The following KLHDC1 variants were observed in gnomAD, a reference collection of about 807,000 sequenced individuals.
KLHDC1 encodes kelch domain-containing protein 1.
KLHDC1 carries 53 observed loss-of-function variants against 68.3 expected under a neutral mutation model. The observed-to-expected ratio is 0.78, with a 90% CI of 0.62 to 0.98. The LOEUF is 0.98. KLHDC1 is among the 50% of genes least tolerant of loss of function. KLHDC1 has a pLI of 0.00. For missense variants in KLHDC1, 470 were observed against 492.3 expected (o/e 0.95, Z 0.43); for synonymous variants, 148 against 159.0 (o/e 0.93, Z 0.52).
In KLHDC1 at chr14:49,729,643, G is replaced by A. The variant is rs567366064; in HGVS notation, c.710+95G>A. Reference sequence around the variant, plus strand: ...AATGTGAGTCTTTAAAACTGGACTGGTATTTTTTTCCTTCAGATCGTATGT... The same window carrying A: ...AATGTGAGTCTTTAAAACTGGACTGATATTTTTTTCCTTCAGATCGTATGT... On this transcript the variant is annotated intron_variant, in intron 8 of 12. Coordinates refer to ENST00000359332, the MANE Select transcript of KLHDC1 (RefSeq NM_172193.3). 78 of 780,296 alleles carry A rather than the reference G, an allele frequency of 1.0e-4. 1 individual carries two copies. In the South Asian group the frequency reaches 1.2e-3, roughly 12 times the overall value. 48.3% of individuals were successfully genotyped at this position (780,296 alleles called of 1,614,324 possible).
intron 12 of KLHDC1, among the ~76,000 whole-genome samples, chr14:49,750,504 GT>G (rs796097149): frequency 1.3e-5 from 2 of 152,210 alleles, no homozygotes; most frequent in South Asian, 4.1e-4. Context: ...CTCACTTCTT[GT>G]TTAGAGTTGT....
In KLHDC1 at chr14:49,693,806, T is replaced by C. The variant is rs1466151565; in HGVS notation, c.96+516T>C. 2.9e-5 allele frequency among the ~76,000 whole-genome samples: 4 copies of C among 139,056 alleles called. 1 individual carries two copies. Among genetic ancestry groups the C allele is most frequent in the African/African-American group, 5.3e-5 (2 of 37,786 alleles). 91.2% of individuals were successfully genotyped at this position (139,056 alleles called of 152,430 possible). On this transcript the variant is annotated intron_variant, in intron 1 of 12. Coordinates refer to ENST00000359332, the MANE Select transcript of KLHDC1 (RefSeq NM_172193.3). Reference sequence around the variant, plus strand: ...CTTGTTGCCCAGGGCTGGAGTGCAATGGAACGATCTCAGCTCACCGCAACC... The same window carrying C: ...CTTGTTGCCCAGGGCTGGAGTGCAACGGAACGATCTCAGCTCACCGCAACC...
chr14:49,693,923 T>C (rs1239033139), intron 1 of KLHDC1, among the ~76,000 whole-genome samples: 1 of 151,364 alleles, frequency 6.6e-6, no homozygotes, highest in Admixed American at 6.6e-5. Context: ...CTGGCTAATT[T>C]TGTATTTTTA....
intron 1 of KLHDC1, 112 bp from the exon 2 acceptor site, chr14:49,709,047 C>A: frequency 1.8e-6 from 1 of 544,616 alleles, no homozygotes; most frequent in East Asian, 3.4e-5. Context: ...GATCCTTGAG[C>A]CTTCTTTTGT....
At position 49,751,610 on chromosome 14, in the gene KLHDC1, A is replaced by T; in HGVS notation, c.1059A>T (p.Lys353Asn). 1 of 1,571,532 alleles carries T rather than the reference A, an allele frequency of 6.4e-7. No homozygotes were observed. Residue 353 changes from lysine (K) to asparagine (N), a missense_variant, in exon 13 of 13, where the codon AAA becomes AAT. Transcript: ENST00000359332. ...GGTCATGCCTTGACTGCATTGGTAA[A>T]AATTCTATCATGTTAGAAAGTCAGA... ...LLRSCLDCIG[K>N]NSIMLESQIS...
chr14:49,704,183 C>A (rs569404119), intron 1 of KLHDC1, among the ~76,000 whole-genome samples: 2 of 152,128 alleles, frequency 1.3e-5, no homozygotes, highest in South Asian at 4.2e-4. Context: ...GTTTTCATTT[C>A]CCTTGGTTAC....
chr14:49,710,319 C>T lies in KLHDC1; in HGVS notation c.342C>T (p.Thr114=), dbSNP rs1466677092. ...AAACCTACATTTGGGAGAAAATCAC[C>T]GACTTTGAAGGGCAACCACCTACAC... The part of the protein sequence containing the change: ...RDETYIWEKI[T]DFEGQPPTPR... The change falls in exon 4 of 13, where the codon ACC becomes ACT. Residue 114 remains threonine, a synonymous_variant. Transcript: ENST00000359332. The T allele has an allele frequency of 1.9e-6, 3 of 1,612,248 alleles. No homozygotes were observed. Among genetic ancestry groups the T allele is most frequent in the South Asian group, 1.1e-5 (1 of 90,992 alleles).
chr14:49,701,704 C>T (rs187678733), intron 1 of KLHDC1, among the ~76,000 whole-genome samples: 90 of 152,060 alleles, frequency 5.9e-4, no homozygotes, highest in African/African-American at 2.1e-3. Context: ...TTTTTAAACA[C>T]CAGAAAACGA....
intron 12 of KLHDC1, among the ~76,000 whole-genome samples, chr14:49,744,453 T>TA (rs1940813514): frequency 6.6e-6 from 1 of 152,142 alleles, no homozygotes; most frequent in Admixed American, 6.6e-5. Context: ...TTTTGGAAAT[T>TA]AGAGTGTGCC....
chr14:49,744,672 A>C (rs1453493961), intron 12 of KLHDC1, among the ~76,000 whole-genome samples: 2 of 152,116 alleles, frequency 1.3e-5, no homozygotes, highest in Admixed American at 1.3e-4. Flanking sequence ...TACAATTTAA[A>C]TACTATGAAA....
At chr14:49,728,660 A>G (rs1311054262) in intron 6 of KLHDC1, among the ~76,000 whole-genome samples, 2 of 152,250 alleles carry the variant, frequency 1.3e-5, no homozygotes, top group East Asian at 1.9e-4. Flanking sequence ...AAAAATTTAC[A>G]TGAAACCTTA....
At chr14:49,747,193 C>T (rs550679726) in intron 12 of KLHDC1, among the ~76,000 whole-genome samples, 43 of 152,154 alleles carry the variant, frequency 2.8e-4, no homozygotes, top group East Asian at 1.5e-3. Context: ...GTGATTCACC[C>T]GCCTCGGCCT....
rs1888062179 is a variant in KLHDC1, at chr14:49,706,814, T to C, written c.97-2345T>C. ...AATGTGTATACAAGTATTTTGCCCA[T>C]TTTTAAATTAGATTGTTAGATTTTT... On this transcript the variant is annotated intron_variant, in intron 1 of 12. Transcript: ENST00000359332. 3.3e-5 allele frequency among the ~76,000 whole-genome samples: 5 copies of C among 152,342 alleles called. No individual in the cohort carries two copies. The South Asian group carries it at 1.0e-3, about 32-fold the overall frequency.
At chr14:49,699,930 C>G in intron 1 of KLHDC1, 2 of 193,044 alleles carry the variant, frequency 1.0e-5, no homozygotes, top group Non-Finnish European at 2.2e-5. Flanking sequence ...AACTCGGTAT[C>G]TTGGCATGTT....
At chr14:49,704,395 T>G (rs1887992214) in intron 1 of KLHDC1, among the ~76,000 whole-genome samples, 1 of 128,952 alleles carries the variant, frequency 7.8e-6, no homozygotes, top group Non-Finnish European at 1.7e-5. Flanking sequence ...CTGTTTTTTT[T>G]TTTTTTTTTT....
In KLHDC1 at chr14:49,702,082, C is replaced by G. The variant is rs551732204; in HGVS notation, c.97-7077C>G. On this transcript the variant is annotated intron_variant, in intron 1 of 12. Transcript: ENST00000359332. ...ACTCGGGAGGCTGAGGCAGGATAAT[C>G]GCTTGAACCTGGGAGGCGGAGGTTG... 2.5e-4 allele frequency among the ~76,000 whole-genome samples: 37 copies of G among 150,868 alleles called. 1 individual carries two copies. The South Asian group carries it at 5.2e-3, about 21-fold the overall frequency.
Position 49,709,689 on chromosome 14 carries a change from C to T in KLHDC1, c.168-20C>T, listed in dbSNP as rs553519125. The T allele has an allele frequency of 2.2e-6, 3 of 1,391,550 alleles. No homozygotes were observed. The African/African-American group carries it at 4.4e-5, about 21-fold the overall frequency. 86.2% of individuals were successfully genotyped at this position (1,391,550 alleles called of 1,614,324 possible). A position where few individuals can be genotyped will look rare whatever the true frequency, so the allele number is the denominator to read the frequency against. ...TGCCTTTCTGGAAAGTTATGGGATT[C>T]CATGTTATTCTTGCTGCAGGAGAAT... On this transcript the variant is annotated intron_variant, in intron 2 of 12. Transcript: ENST00000359332.
At chr14:49,714,896 T>C (rs1244549570) in intron 4 of KLHDC1, among the ~76,000 whole-genome samples, 2 of 147,616 alleles carry the variant, frequency 1.4e-5, no homozygotes, top group African/African-American at 2.5e-5. Flanking sequence ...GTATACTTAA[T>C]ATATATTTAT....
At chr14:49,709,512 ATT>A (rs373823604) in intron 2 of KLHDC1, among the ~76,000 whole-genome samples, 195 bp from the exon 3 acceptor site, 1 of 142,902 alleles carries the variant, frequency 7.0e-6, no homozygotes. Flanking sequence ...AATTTTTGTG[ATT>A]TTTTTTTTTT....
Sources: gnomAD v4.1 joint callset for allele counts (sites outside exome capture counted in the v4.1 genomes callset) on GRCh38, gnomAD v4.1.1 for gene constraint, MANE v1.5 for transcripts, NCBI Gene and HGNC (gene_info 2026-07-23, HGNC 2026-07-21) for gene names.